ZFHX3: variants seen among roughly 807,000 people sequenced by gnomAD.
The protein encoded by ZFHX3 is zinc finger homeobox 3, also known as zinc finger homeobox protein 3.
A neutral mutation model predicts 279.1 loss-of-function variants in ZFHX3; 42 were observed. That is an observed-to-expected ratio of 0.15 (90% CI 0.12 to 0.19). ZFHX3 has a LOEUF of 0.19. ZFHX3 is among the 10% of genes least tolerant of loss of function. The probability of loss-of-function intolerance (pLI) is 1.00; values close to 1 mark genes in which losing one functional copy is unlikely to be tolerated. For missense variants in ZFHX3, 4,981 were observed against 4,754.0 expected, an observed-to-expected ratio of 1.05 and a Z score of -1.40; for synonymous variants, 2,293 against 1,957.8, an observed-to-expected ratio of 1.17 and a Z score of -4.52.
intron 8 of ZFHX3, among the ~76,000 whole-genome samples, chr16:73,080,905 A>C (rs1965935536): frequency 6.6e-6 from 1 of 152,108 alleles, no homozygotes; most frequent in Non-Finnish European, 1.5e-5. Context: ...TGTGCCCAAA[A>C]GTCTGAAAAG....
intron 6 of ZFHX3, among the ~76,000 whole-genome samples, chr16:73,139,841 GAA>G (rs1232974236): frequency 6.6e-6 from 1 of 152,230 alleles, no homozygotes; most frequent in Non-Finnish European, 1.5e-5. Context: ...GGAATATGAA[GAA>G]AAGTTTCAGG....
At chr16:73,083,323 C>T (rs1473907196) in intron 8 of ZFHX3, 1 of 152,244 alleles carries the variant, frequency 6.6e-6, no homozygotes, top group Non-Finnish European at 1.5e-5. Flanking sequence ...TGTGATGGCA[C>T]AAAGTGTGTC....
intron 5 of ZFHX3, among the ~76,000 whole-genome samples, chr16:73,234,496 A>G (rs986768738): frequency 6.6e-6 from 1 of 152,224 alleles, no homozygotes; most frequent in Non-Finnish European, 1.5e-5. Context: ...AAGGGGCTGT[A>G]ATGAAAACAA....
In ZFHX3 at chr16:73,681,726, C is replaced by G. The variant is rs566437938; in HGVS notation, c.-1607-1486G>C. On this transcript the variant is annotated intron_variant, in intron 1 of 17. Transcript: ENST00000641206. ...AATATCCTGTGCTTCCATGTGCAAA[C>G]TGCATTCAAAATTATGGTTTTTACA... 3.3e-5 allele frequency among the ~76,000 whole-genome samples: 5 copies of G among 152,314 alleles called. No individual in the cohort carries two copies. In the South Asian group the frequency reaches 1.0e-3, roughly 32 times the overall value.
chr16:73,083,728 C>T (rs1400529153), intron 8 of ZFHX3, among the ~76,000 whole-genome samples: 1 of 152,132 alleles, frequency 6.6e-6, no homozygotes, highest in Non-Finnish European at 1.5e-5. Flanking sequence ...TGCGTTTTTG[C>T]CATGTGGCCC....
chr16:73,702,030 G>C (rs1016677990), intron 1 of ZFHX3, among the ~76,000 whole-genome samples: 2 of 152,092 alleles, frequency 1.3e-5, no homozygotes, highest in African/African-American at 4.8e-5. Flanking sequence ...CATTTATATA[G>C]TCTTCAAACC....
chr16:73,345,937 T>C (rs16971747), intron 3 of ZFHX3, among the ~76,000 whole-genome samples: 16,306 of 152,164 alleles, frequency 0.11, 2,108 homozygotes, highest in East Asian at 0.34. Flanking sequence ...ATGTTGGTTC[T>C]GGGTTGTGAA....
chr16:73,717,082 G>A (rs1597079694), intron 1 of ZFHX3, among the ~76,000 whole-genome samples: 1 of 152,136 alleles, frequency 6.6e-6, no homozygotes, highest in South Asian at 2.1e-4. Flanking sequence ...AGTATCTCAA[G>A]AAGAAAACCA....
chr16:73,122,274 C>T (rs1418284825), intron 7 of ZFHX3, among the ~76,000 whole-genome samples: 6 of 151,868 alleles, frequency 4.0e-5, no homozygotes, highest in African/African-American at 7.3e-5. Context: ...GACGCAATCT[C>T]GGCTCACTGC....
intron 2 of ZFHX3, among the ~76,000 whole-genome samples, chr16:73,638,694 G>C (rs370450093): frequency 1.2e-4 from 18 of 152,140 alleles, no homozygotes; most frequent in Non-Finnish European, 8.8e-5. Flanking sequence ...CTCTTTGACT[G>C]ATTGCTCTTT....
intron 1 of ZFHX3, among the ~76,000 whole-genome samples, chr16:73,710,784 T>C (rs562771865): frequency 6.8e-4 from 103 of 152,266 alleles, no homozygotes; most frequent in Non-Finnish European, 8.8e-4. Flanking sequence ...CCGGCCTCCC[T>C]TCTCGGAGCA....
intron 4 of ZFHX3, among the ~76,000 whole-genome samples, chr16:72,849,891 A>G (rs1333461339): frequency 1.8e-5 from 2 of 114,268 alleles, no homozygotes; most frequent in East Asian, 4.3e-4. Context: ...AAAAAAAAAA[A>G]AAAAAAAAAA....
chr16:73,753,968 G>A (rs1284431754), intron 1 of ZFHX3, among the ~76,000 whole-genome samples: 1 of 126,890 alleles, frequency 7.9e-6, no homozygotes, highest in East Asian at 2.7e-4. Flanking sequence ...ATAGTAATGA[G>A]AAAAATAGTA....
intron 3 of ZFHX3, among the ~76,000 whole-genome samples, chr16:73,437,363 T>C (rs535651009): frequency 6.6e-6 from 1 of 152,280 alleles, no homozygotes; most frequent in East Asian, 1.9e-4. Flanking sequence ...ATTATACCAA[T>C]TAACTAATTT....
At chr16:72,947,839 C>A (rs1960775215) in intron 3 of ZFHX3, among the ~76,000 whole-genome samples, 1 of 152,172 alleles carries the variant, frequency 6.6e-6, no homozygotes, top group African/African-American at 2.4e-5. Context: ...TAACTGTGCT[C>A]TAAACTGATT....
chr16:73,334,807 A>ATTTTT (rs1224756669), intron 3 of ZFHX3, among the ~76,000 whole-genome samples: 8 of 28,484 alleles, frequency 2.8e-4, no homozygotes, highest in Non-Finnish European at 4.5e-4. Flanking sequence ...TTTCTTTCTC[A>ATTTTT]TTCTTTTTTT....
At chr16:73,303,821 C>G (rs2015114214) in intron 4 of ZFHX3, among the ~76,000 whole-genome samples, 1 of 151,960 alleles carries the variant, frequency 6.6e-6, no homozygotes, top group East Asian at 1.9e-4. Flanking sequence ...CAGGAGGCCA[C>G]CGATTTGGAC....
In ZFHX3 at chr16:73,672,569, G is replaced by A. The variant is rs866745784; in HGVS notation, c.-1547+7611C>T. ...ATCAAATAATAAAGAACAGAAATTA[G>A]TAATATAGAAACTGAGCATCATAAA... On this transcript the variant is annotated intron_variant, in intron 2 of 17. Coordinates refer to the ZFHX3 transcript ENST00000641206. Among the ~76,000 whole-genome samples, 67 of 152,028 alleles carry A rather than the reference G, an allele frequency of 4.4e-4. 1 individual carries two copies. The South Asian group carries it at 7.9e-3, about 18-fold the overall frequency.
intron 4 of ZFHX3, among the ~76,000 whole-genome samples, chr16:73,271,424 C>G (rs1427185738): frequency 6.6e-6 from 1 of 152,216 alleles, no homozygotes; most frequent in Admixed American, 6.5e-5. Flanking sequence ...GGTGAAAGCC[C>G]AGGCTGCTCC....
Sources: allele counts gnomAD v4.1 joint callset (sites outside exome capture counted in the v4.1 genomes callset), GRCh38; gene constraint gnomAD v4.1.1; transcripts MANE v1.5; gene names NCBI Gene and HGNC (gene_info 2026-07-23, HGNC 2026-07-21).